MS4A1: variants seen among roughly 807,000 people sequenced by gnomAD.
The protein encoded by MS4A1 is B-lymphocyte antigen CD20.
A neutral mutation model predicts 26.5 loss-of-function variants in MS4A1; 16 were observed. That is an observed-to-expected ratio of 0.60 (90% CI 0.41 to 0.92). The LOEUF (loss-of-function observed/expected upper bound fraction) is 0.92, where lower values mean the gene tolerates loss of function less well. Ranked by LOEUF, MS4A1 falls within the 40% of genes least tolerant of loss-of-function variation. The pLI is 0.00. For synonymous variants in MS4A1, 128 were observed against 117.6 expected (o/e 1.09, Z -0.57); for missense variants, 350 against 353.0 (o/e 0.99, Z 0.07).
At chr11:60,464,490 T>C in intron 5 of MS4A1, 146 bp downstream of exon 5, 1 of 726,928 alleles carries the variant, frequency 1.4e-6, no homozygotes, top group African/African-American at 1.8e-5. Flanking sequence ...TGTGATTTTA[T>C]TTATGAAAAA....
chr11:60,465,890 C>G (rs200621273), intron 5 of MS4A1, 31 bp from the exon 6 acceptor site: 67 of 1,548,874 alleles, frequency 4.3e-5, no homozygotes, highest in Non-Finnish European at 3.8e-5. Flanking sequence ...GGAAATCAAA[C>G]CCAATTAATA....
intron 3 of MS4A1, 32 bp from the exon 4 acceptor site, chr11:60,462,970 C>T (rs1333395415): frequency 6.2e-7 from 1 of 1,611,674 alleles, no homozygotes. Flanking sequence ...ATGATTTCAG[C>T]TCATCCACTG....
In MS4A1 at chr11:60,466,002, A is replaced by G. The variant is rs2086288005; in HGVS notation, c.418A>G (p.Asn140Asp). 1 of 1,613,792 alleles carries G rather than the reference A, an allele frequency of 6.2e-7. No homozygotes were observed. Among genetic ancestry groups the G allele is most frequent in the East Asian group, 2.2e-5 (1 of 44,848 alleles). The change falls in exon 6 of 8, where the codon AAT (asparagine) becomes GAT (aspartate). Residue 140 changes from asparagine to aspartate, a missense_variant. Asn to Asp is a conservative substitution (Grantham distance 23). Coordinates refer to ENST00000345732, the MANE Select transcript of MS4A1 (RefSeq NM_152866.3). ...GMILSIMDIL[N>D]IKISHFLKME... ...GATTCTTTCAATCATGGACATACTT[A>G]ATATTAAAATTTCCCATTTTTTAAA... is the stretch of plus-strand genomic sequence containing the variant.
intron 1 of MS4A1, among the ~76,000 whole-genome samples, chr11:60,457,300 T>A (rs2086212294): frequency 6.6e-6 from 1 of 152,024 alleles, no homozygotes; most frequent in African/African-American, 2.4e-5. Context: ...GCTTGGGAAG[T>A]CATACAGGGC....
intron 1 of MS4A1, among the ~76,000 whole-genome samples, chr11:60,458,815 A>G (rs556863402): frequency 4.6e-5 from 7 of 151,904 alleles, no homozygotes; most frequent in Admixed American, 2.6e-4. Flanking sequence ...ACAGATATAT[A>G]TATAATCAGA....
In MS4A1 at chr11:60,468,724, A is replaced by C; in HGVS notation, c.*256A>C. 1 of 511,688 alleles carries C rather than the reference A, an allele frequency of 2.0e-6. No individual in the cohort carries two copies. The highest frequency in any genetic ancestry group is 3.5e-6 in the Non-Finnish European group (1 of 286,230). The allele number at this position is 511,688 out of a possible 1,614,324, so 31.7% of individuals were successfully genotyped here. A position where few individuals can be genotyped will look rare whatever the true frequency, so the allele number is the denominator to read the frequency against. On this transcript the variant is annotated 3_prime_UTR_variant, in exon 8 of 8. Transcript: ENST00000345732. ...AAGAAAGGCAGAATGAGTGCTTCAGAATGTGATTTCCTACTAACCTGTTCC... is the reference window on the plus strand; with the variant it reads ...AAGAAAGGCAGAATGAGTGCTTCAGCATGTGATTTCCTACTAACCTGTTCC...
chr11:60,456,664 T>C (rs2086206272), intron 1 of MS4A1, among the ~76,000 whole-genome samples: 1 of 152,222 alleles, frequency 6.6e-6, no homozygotes, highest in Admixed American at 6.5e-5. Context: ...ATGCCATTAC[T>C]GTTTTCTGAA....
intron 6 of MS4A1, chr11:60,466,578 A>G (rs541499904): frequency 3.1e-6 from 1 of 325,466 alleles, no homozygotes; most frequent in African/African-American, 2.1e-5. Flanking sequence ...AGAGTTTGAA[A>G]GAGATAAAAA....
At position 60,462,456 on chromosome 11, in the gene MS4A1, A is replaced by T. The variant is rs780340225; in HGVS notation, c.82A>T (p.Lys28Ter). The T allele has an allele frequency of 1.2e-6, 2 of 1,614,196 alleles. No individual in the cohort carries two copies. Among genetic ancestry groups the T allele is most frequent in the South Asian group, 2.2e-5 (2 of 91,082 alleles). The part of the protein sequence containing the change: ...KGPIAMQSGP[K>*]PLFRRMSSLV... ...CCCTATTGCTATGCAATCTGGTCCA[A>T]AACCACTCTTCAGGAGGATGTCTTC... The change falls in exon 3 of 8, where the codon AAA becomes TAA. Residue 28 changes from lysine to a stop codon, truncating the protein, a stop_gained. Transcript: ENST00000345732. LOFTEE classifies it high-confidence loss of function.
At chr11:60,465,280 T>G (rs755896661) in intron 5 of MS4A1, among the ~76,000 whole-genome samples, 12 of 152,228 alleles carry the variant, frequency 7.9e-5, no homozygotes, top group Non-Finnish European at 1.3e-4. Flanking sequence ...GGTAGAACAT[T>G]CACACTGATA....
At chr11:60,456,585 C>T (rs906768477) in intron 1 of MS4A1, among the ~76,000 whole-genome samples, 1 of 151,998 alleles carries the variant, frequency 6.6e-6, no homozygotes, top group African/African-American at 2.4e-5. Context: ...CATGGGAAAC[C>T]AAGAGTAAGA....
chr11:60,458,998 C>A (rs1273844914), intron 1 of MS4A1, among the ~76,000 whole-genome samples: 1 of 152,120 alleles, frequency 6.6e-6, no homozygotes, highest in Non-Finnish European at 1.5e-5. Context: ...ACACACAGCC[C>A]TCATGGTCAT....
At position 60,466,085 on chromosome 11, in the gene MS4A1, T is replaced by C. The variant is rs2086288982; in HGVS notation, c.501T>C (p.Cys167=). 3.1e-6 allele frequency: 5 copies of C among 1,614,068 alleles called. No homozygotes were observed. The East Asian group carries it at 1.1e-4, about 36-fold the overall frequency. Residue 167 remains cysteine, a synonymous_variant, in exon 6 of 8, where the codon TGT becomes TGC. Transcript: ENST00000345732. ...AHTPYINIYN[C]EPANPSEKNS... is the part of the protein sequence containing the mutation. ...CACCATATATTAACATATACAACTG[T>C]GAACCAGCTAATCCCTCTGAGAAAA...
In MS4A1 at chr11:60,469,458, A is replaced by G. The variant is rs1291867507; in HGVS notation, c.*990A>G. On this transcript the variant is annotated 3_prime_UTR_variant, in exon 8 of 8. Coordinates refer to ENST00000345732, the MANE Select transcript of MS4A1 (RefSeq NM_152866.3). Reference sequence around the variant, plus strand: ...TTACTCAAATCCTGTGATGTTTGAAATAACCAAATTGTCTCTCCAATGTCT... The same window carrying G: ...TTACTCAAATCCTGTGATGTTTGAAGTAACCAAATTGTCTCTCCAATGTCT... 1 of 152,158 alleles carries G rather than the reference A, an allele frequency of 6.6e-6. No homozygotes were observed. The highest frequency in any genetic ancestry group is 2.4e-5 in the African/African-American group (1 of 41,466). The allele number at this position is 152,158 out of a possible 1,614,324, so 9.4% of individuals were successfully genotyped here. A position where few individuals can be genotyped will look rare whatever the true frequency, so the allele number is the denominator to read the frequency against.
At chr11:60,467,535 G>A (rs544037257) in intron 7 of MS4A1, among the ~76,000 whole-genome samples, 4 of 151,808 alleles carry the variant, frequency 2.6e-5, no homozygotes, top group African/African-American at 4.8e-5. Context: ...CTCAGCCTCC[G>A]AAAGTGCTGG....
chr11:60,463,360 C>T (rs2086264781), intron 4 of MS4A1, among the ~76,000 whole-genome samples: 1 of 152,192 alleles, frequency 6.6e-6, no homozygotes, highest in Non-Finnish European at 1.5e-5. Flanking sequence ...CTCACAGGGA[C>T]TGTCCAAAGC....
intron 1 of MS4A1, among the ~76,000 whole-genome samples, chr11:60,459,990 T>A (rs968518881): frequency 3.6e-4 from 55 of 152,130 alleles, no homozygotes; most frequent in African/African-American, 1.3e-3. Context: ...TCACAGCTGT[T>A]ATCCTAGCAC....
chr11:60,467,425 C>T (rs1157673217), intron 7 of MS4A1, among the ~76,000 whole-genome samples: 4 of 151,884 alleles, frequency 2.6e-5, no homozygotes, highest in South Asian at 2.1e-4. Flanking sequence ...TACAGGCACC[C>T]GCCATCATGC....
chr11:60,462,915 G>C (rs2086260409), intron 3 of MS4A1, 87 bp from the exon 4 acceptor site: 4 of 1,588,542 alleles, frequency 2.5e-6, no homozygotes, highest in East Asian at 4.5e-5. Flanking sequence ...ACAGCTCCAA[G>C]TCAGGAGCCA....
Sources: gnomAD v4.1 joint callset for allele counts (sites outside exome capture counted in the v4.1 genomes callset) on GRCh38, gnomAD v4.1.1 for gene constraint, MANE v1.5 for transcripts, NCBI Gene and HGNC (gene_info 2026-07-23, HGNC 2026-07-21) for gene names.